Variants in DCHS2 observed in about 807,000 individuals in gnomAD.
DCHS2 encodes the protein dachsous cadherin-related 2, also known as protocadherin-23.
DCHS2 carries 142 observed loss-of-function variants against 182.4 expected under a neutral mutation model. The ratio of observed to expected loss-of-function variants is 0.78; its 90% CI spans 0.68 to 0.89. DCHS2 has a LOEUF of 0.89. Among genes scored for constraint, DCHS2 ranks in the 40% least tolerant of loss-of-function variants. DCHS2 has a pLI of 0.00. For synonymous variants in DCHS2, 1,740 were observed against 1,663.3 expected, an observed-to-expected ratio of 1.05 and a Z score of -1.12; for missense variants, 4,319 against 4,198.6, an observed-to-expected ratio of 1.03 and a Z score of -0.79.
At chr4:154,396,289 G>T (rs570404345) in intron 1 of DCHS2, among the ~76,000 whole-genome samples, 1 of 152,008 alleles carries the variant, frequency 6.6e-6, no homozygotes, top group East Asian at 1.9e-4. Flanking sequence ...AATGGGAGAT[G>T]GAAGGAAGGG....
At position 154,391,196 on chromosome 4, in the gene DCHS2, ATACACC is replaced by A. The variant is rs1259588657; in HGVS notation, c.2053-13758_2053-13753del. The A allele has an allele frequency of 2.5e-6, 4 of 1,613,416 alleles. No homozygotes were observed. The African/African-American group carries it at 5.3e-5, about 22-fold the overall frequency. On this transcript the variant is annotated intron_variant, in intron 1 of 19. Coordinates refer to ENST00000357232, the MANE Select transcript of DCHS2 (RefSeq NM_001358235.2). ...ATTTCACAATGGAATTTATTTTCACATACACCTCATATACACAGGCATCAGTACTTT... is the reference window on the plus strand; with the variant it reads ...ATTTCACAATGGAATTTATTTTCACATCATATACACAGGCATCAGTACTTT...
chr4:154,321,720 G>C (rs1014681010), intron 8 of DCHS2, among the ~76,000 whole-genome samples: 2 of 152,286 alleles, frequency 1.3e-5, no homozygotes, highest in African/African-American at 2.4e-5. Context: ...TTTGGAAACA[G>C]AGTTCTTGTG....
chr4:154,240,973 T>A, intron 17 of DCHS2, 150 bp from the exon 18 acceptor site: 1 of 1,291,566 alleles, frequency 7.7e-7, no homozygotes, highest in Non-Finnish European at 1.0e-6. Context: ...CATTATGCAC[T>A]GAACAAAAAC....
intron 1 of DCHS2, among the ~76,000 whole-genome samples, chr4:154,425,241 G>A (rs576614081): frequency 6.6e-6 from 1 of 152,296 alleles, no homozygotes; most frequent in African/African-American, 2.4e-5. Flanking sequence ...AGCCCCATCC[G>A]AAGAACAGGT....
intron 1 of DCHS2, among the ~76,000 whole-genome samples, chr4:154,389,317 C>T (rs1731563435): frequency 6.6e-6 from 1 of 151,826 alleles, no homozygotes; most frequent in Non-Finnish European, 1.5e-5. Context: ...CCATGGTTTG[C>T]TAACCCCTGA....
chr4:154,326,528 T>TA (rs1561043940), intron 7 of DCHS2, among the ~76,000 whole-genome samples: 1 of 152,222 alleles, frequency 6.6e-6, no homozygotes, highest in Non-Finnish European at 1.5e-5. Flanking sequence ...GCCATATATA[T>TA]AACCAGTCTC....
chr4:154,251,190 ACT>A (rs1178929810), intron 16 of DCHS2, among the ~76,000 whole-genome samples: 1 of 152,212 alleles, frequency 6.6e-6, no homozygotes, highest in Non-Finnish European at 1.5e-5. Context: ...TGGAGAATAC[ACT>A]GAGTTTAGCA....
intron 1 of DCHS2, chr4:154,391,283 C>T: frequency 6.3e-7 from 1 of 1,594,290 alleles, no homozygotes; most frequent in Non-Finnish European, 8.6e-7. Context: ...ATTTCGTTAT[C>T]TCATCCAGTC....
chr4:154,322,228 T>C, intron 8 of DCHS2, 103 bp downstream of exon 8: 1 of 1,453,492 alleles, frequency 6.9e-7, no homozygotes. Flanking sequence ...TACATACATA[T>C]TCATATACAT....
chr4:154,390,546 G>A (rs1178704467), intron 1 of DCHS2, among the ~76,000 whole-genome samples: 1 of 151,364 alleles, frequency 6.6e-6, no homozygotes, highest in East Asian at 1.9e-4. Context: ...ACACACACTA[G>A]CCCAAATACA....
intron 1 of DCHS2, among the ~76,000 whole-genome samples, chr4:154,418,300 C>G (rs902454): frequency 0.8 from 122,423 of 152,128 alleles, 52,677 homozygotes; most frequent in Non-Finnish European, 0.95. Context: ...CATGGCCCCG[C>G]TGTATCAGCA....
At chr4:154,385,426 T>C (rs1349674987) in intron 1 of DCHS2, among the ~76,000 whole-genome samples, 3 of 152,168 alleles carry the variant, frequency 2.0e-5, no homozygotes, top group Non-Finnish European at 4.4e-5. Flanking sequence ...TATAATCCTT[T>C]GGGTATATAC....
intron 1 of DCHS2, among the ~76,000 whole-genome samples, chr4:154,426,628 C>T (rs1269311019): frequency 1.3e-5 from 2 of 152,042 alleles, no homozygotes; most frequent in Non-Finnish European, 2.9e-5. Context: ...TCAACAATAA[C>T]TTATTGTACA....
chr4:154,268,229 T>C (rs756786150), intron 14 of DCHS2, among the ~76,000 whole-genome samples: 2 of 125,866 alleles, frequency 1.6e-5, no homozygotes, highest in East Asian at 2.7e-4. Flanking sequence ...ACCTTTCACT[T>C]TCCCCCCCCC....
intron 13 of DCHS2, among the ~76,000 whole-genome samples, chr4:154,279,281 T>G (rs1411086011): frequency 6.6e-6 from 1 of 151,228 alleles, no homozygotes; most frequent in Non-Finnish European, 1.5e-5. Context: ...CTACAAAAAA[T>G]TAACAAAACA....
chr4:154,262,444 A>T (rs941945589), intron 14 of DCHS2, among the ~76,000 whole-genome samples: 26 of 152,234 alleles, frequency 1.7e-4, no homozygotes, highest in African/African-American at 6.0e-4. Context: ...GTCTAATGGT[A>T]TACGCAGAAA....
At chr4:154,248,016 C>T (rs536799026) in intron 16 of DCHS2, among the ~76,000 whole-genome samples, 1 of 152,024 alleles carries the variant, frequency 6.6e-6, no homozygotes, top group Non-Finnish European at 1.5e-5. Context: ...GCAGTAGGAA[C>T]CAGGTCTTCA....
intron 1 of DCHS2, among the ~76,000 whole-genome samples, chr4:154,414,673 GC>G (rs1732763655): frequency 6.6e-6 from 1 of 151,952 alleles, no homozygotes; most frequent in Non-Finnish European, 1.5e-5. Flanking sequence ...ATAAAACTAT[GC>G]TTTTAAAGTA....
chr4:154,242,436 C>G (rs888951395), intron 17 of DCHS2, among the ~76,000 whole-genome samples: 2 of 152,046 alleles, frequency 1.3e-5, no homozygotes, highest in African/African-American at 4.8e-5. Flanking sequence ...AGCATGGGGA[C>G]TTGCTTTGAC....
Sources: gnomAD v4.1 joint callset for allele counts (sites outside exome capture counted in the v4.1 genomes callset) on GRCh38, gnomAD v4.1.1 for gene constraint, MANE v1.5 for transcripts, NCBI Gene and HGNC (gene_info 2026-07-23, HGNC 2026-07-21) for gene names.